ACTN1: variants seen among roughly 807,000 people sequenced by gnomAD.
The protein encoded by ACTN1 is actinin alpha 1, also known as alpha-actinin-1.
ACTN1 carries 30 observed loss-of-function variants against 119.6 expected under a neutral mutation model. The observed-to-expected ratio is 0.25, with a 90% CI of 0.19 to 0.34. The LOEUF (loss-of-function observed/expected upper bound fraction) is 0.34, where lower values mean the gene tolerates loss of function less well. Among genes scored for constraint, ACTN1 ranks in the 10% least tolerant of loss-of-function variants. The pLI, the probability that ACTN1 is intolerant of heterozygous loss-of-function variation, is 1.00. For missense variants in ACTN1, 764 were observed against 1,223.4 expected, an observed-to-expected ratio of 0.62 and a Z score of 5.60; for synonymous variants, 429 against 472.6, an observed-to-expected ratio of 0.91 and a Z score of 1.20.
At chr14:68,944,796 G>C (rs1334070909) in intron 1 of ACTN1, among the ~76,000 whole-genome samples, 12 of 152,126 alleles carry the variant, frequency 7.9e-5, no homozygotes, top group African/African-American at 2.9e-4. Context: ...CAAGGCACCA[G>C]GGGGTCTACT....
chr14:68,955,125 C>T (rs1297379641), intron 1 of ACTN1, among the ~76,000 whole-genome samples: 1 of 152,186 alleles, frequency 6.6e-6, no homozygotes, highest in Non-Finnish European at 1.5e-5. Context: ...ACACTGTGGC[C>T]TCCACATCTA....
At chr14:68,957,619 T>C (rs2036391423) in intron 1 of ACTN1, among the ~76,000 whole-genome samples, 1 of 152,164 alleles carries the variant, frequency 6.6e-6, no homozygotes, top group Non-Finnish European at 1.5e-5. Context: ...TTCTGGGAAA[T>C]TCAGTCTGAC....
At chr14:68,900,420 G>A (rs1175787074) in intron 8 of ACTN1, among the ~76,000 whole-genome samples, 1 of 151,938 alleles carries the variant, frequency 6.6e-6, no homozygotes, top group African/African-American at 2.4e-5. Context: ...CCCTGGAGAA[G>A]GCAGGAAGAG....
chr14:68,903,146 A>T (rs1340242121), intron 7 of ACTN1, among the ~76,000 whole-genome samples: 1 of 152,222 alleles, frequency 6.6e-6, no homozygotes, highest in African/African-American at 2.4e-5. Context: ...AAACAAGAAA[A>T]ACACAAAGTG....
chr14:68,978,024 G>A (rs933085809), intron 1 of ACTN1: 2 of 456,144 alleles, frequency 4.4e-6, no homozygotes, highest in Non-Finnish European at 8.8e-6. Context: ...ACCTCTTCCT[G>A]CCACTGGCCA....
At chr14:68,906,687 G>A (rs181741608) in intron 6 of ACTN1, among the ~76,000 whole-genome samples, 4 of 152,304 alleles carry the variant, frequency 2.6e-5, no homozygotes, top group East Asian at 1.9e-4. Context: ...CTTCCCAGTC[G>A]GAGCCCCTCA....
intron 1 of ACTN1, among the ~76,000 whole-genome samples, chr14:68,962,463 AC>A (rs1356588233): frequency 1.3e-5 from 2 of 151,292 alleles, no homozygotes. Flanking sequence ...TCACTTACCC[AC>A]CCTCCCCAGC....
intron 8 of ACTN1, among the ~76,000 whole-genome samples, chr14:68,896,866 T>C (rs1404643915): frequency 6.6e-6 from 1 of 152,242 alleles, no homozygotes; most frequent in Non-Finnish European, 1.5e-5. Context: ...AGATAATTGA[T>C]GGCTTCAGAA....
At chr14:68,896,105 T>C (rs977797905) in intron 8 of ACTN1, among the ~76,000 whole-genome samples, 1 of 152,176 alleles carries the variant, frequency 6.6e-6, no homozygotes, top group African/African-American at 2.4e-5. Flanking sequence ...GCTTTCTGTA[T>C]GGCAGGCCAG....
At chr14:68,962,954 C>T (rs890639856) in intron 1 of ACTN1, among the ~76,000 whole-genome samples, 1 of 152,230 alleles carries the variant, frequency 6.6e-6, no homozygotes, top group African/African-American at 2.4e-5. Flanking sequence ...AGAGCTTGTC[C>T]CTCACTGATT....
chr14:68,920,062 G>A (rs1249271687), intron 3 of ACTN1, among the ~76,000 whole-genome samples: 1 of 152,204 alleles, frequency 6.6e-6, no homozygotes, highest in Non-Finnish European at 1.5e-5. Flanking sequence ...CACTCTCAGG[G>A]CATTCCTCTG....
intron 14 of ACTN1, chr14:68,883,336 C>T: frequency 2.5e-6 from 1 of 393,048 alleles, no homozygotes; most frequent in Non-Finnish European, 4.6e-6. Flanking sequence ...TCCAGAGGCT[C>T]ACTACCCAGG....
Position 68,912,230 on chromosome 14 carries a change from C to G in ACTN1, c.353G>C (p.Gly118Ala), listed in dbSNP as rs11557767. ...CATGCCCAGGGTCATCTTCACATTC[C>G]CATCCACGATTTCTACAGAAACAGC... ...VSIGAEEIVD[G>A]NVKMTLGMIW... The change falls in exon 4 of 22, where the codon GGG becomes GCG. Residue 118 changes from glycine (G) to alanine (A), a missense_variant. Transcript: ENST00000394419. The G allele has an allele frequency of 6.2e-7, 1 of 1,614,070 alleles. No homozygotes were observed. Among genetic ancestry groups the G allele is most frequent in the Admixed American group, 1.7e-5 (1 of 60,014 alleles).
intron 3 of ACTN1, among the ~76,000 whole-genome samples, chr14:68,916,223 A>G (rs1156719699): frequency 6.6e-6 from 1 of 152,136 alleles, no homozygotes; most frequent in Non-Finnish European, 1.5e-5. Flanking sequence ...TGGGGCTGCA[A>G]TGCTAGCCCT....
chr14:68,908,402 G>A (rs2033798106), intron 6 of ACTN1, among the ~76,000 whole-genome samples: 1 of 152,124 alleles, frequency 6.6e-6, no homozygotes, highest in Admixed American at 6.5e-5. Context: ...CAAGGCAAGA[G>A]CTACACTGAA....
At chr14:68,960,847 A>G (rs1200834599) in intron 1 of ACTN1, among the ~76,000 whole-genome samples, 1 of 152,138 alleles carries the variant, frequency 6.6e-6, no homozygotes, top group African/African-American at 2.4e-5. Context: ...CCGAGGTCAG[A>G]TGACTTCTTG....
At chr14:68,978,043 G>C (rs1002858800) in intron 1 of ACTN1, 2 of 456,130 alleles carry the variant, frequency 4.4e-6, no homozygotes, top group South Asian at 3.1e-5. Context: ...CACTGTGCCC[G>C]GGTCCCATCG....
chr14:68,978,152 G>A (rs2037133523), intron 1 of ACTN1: 3 of 455,916 alleles, frequency 6.6e-6, no homozygotes, highest in African/African-American at 2.0e-5. Context: ...CCAGTGACTG[G>A]CCCCAAATAT....
At chr14:68,881,936 C>CTTTTTTTTTTTTTTTTTTTTTTTTTTT (rs781067137) in intron 16 of ACTN1, among the ~76,000 whole-genome samples, 12 of 58,390 alleles carry the variant, frequency 2.1e-4, no homozygotes, top group South Asian at 5.4e-4. Flanking sequence ...TAGGCAGCTT[C>CTTTTTTTTTTTTTTTTTTTTTTTTTTT]TTTTTTTTTT....
Sources: allele counts gnomAD v4.1 joint callset (sites outside exome capture counted in the v4.1 genomes callset), GRCh38; gene constraint gnomAD v4.1.1; transcripts MANE v1.5; gene names NCBI Gene and HGNC (gene_info 2026-07-23, HGNC 2026-07-21).